Variants in ANO2 observed in about 807,000 individuals in gnomAD.
ANO2 encodes the protein anoctamin-2.
ANO2 carries 101 observed loss-of-function variants against 124.2 expected under a neutral mutation model. The observed-to-expected ratio is 0.81, with a 90% CI of 0.69 to 0.96. The LOEUF (loss-of-function observed/expected upper bound fraction) is 0.96. Ranked by LOEUF, ANO2 falls within the 40% of genes least tolerant of loss-of-function variation. The pLI is 0.00. For missense variants in ANO2, 1,293 were observed against 1,274.5 expected (o/e 1.01, Z -0.22); for synonymous variants, 486 against 482.5 (o/e 1.01, Z -0.09).
At position 5,575,937 on chromosome 12, in the gene ANO2, G is replaced by C. The variant is rs777253822; in HGVS notation, c.2518C>G (p.His840Asp). Residue 840 changes from histidine (H) to aspartate (D), a missense_variant, in exon 23 of 25, where the codon CAC becomes GAC. His to Asp is a moderately conservative substitution (Grantham distance 81). Transcript: ENST00000682330. ...QYSYSHNGTL[H>D]GFVNHTLSFF... ...GAGAGGGTGTGGTTGACAAAGCCGTGCAGAGTCCCATTGTGACTGTAGGAG... is the reference window on the plus strand; with the variant it reads ...GAGAGGGTGTGGTTGACAAAGCCGTCCAGAGTCCCATTGTGACTGTAGGAG... 2 of 1,613,494 alleles carry C rather than the reference G, an allele frequency of 1.2e-6. No homozygotes were observed. The highest frequency in any genetic ancestry group is 1.7e-6 in the Non-Finnish European group (2 of 1,179,718).
Position 5,744,305 on chromosome 12 carries a change from A to C in ANO2, c.1203T>G (p.Cys401Trp). ...IEEDIPSREM[C>W]DQQNAFTMCP... is the part of the protein sequence containing the mutation. ...ACATGGTGAAGGCATTCTGCTGGTC[A>C]CACATCTCTCTGCTGCAATAGATGG... is the stretch of plus-strand genomic sequence containing the variant. Residue 401 changes from cysteine to tryptophan, a missense_variant, in exon 12 of 25, where the codon TGT becomes TGG. Coordinates refer to ENST00000682330, the MANE Select transcript of ANO2 (RefSeq NM_001364791.2). 6.2e-7 allele frequency: 1 copy of C among 1,613,950 alleles called. No individual in the cohort carries two copies.
intron 20 of ANO2, 71 bp from the exon 21 acceptor site, chr12:5,578,589 A>G (rs1001855580): frequency 6.7e-7 from 1 of 1,499,166 alleles, no homozygotes; most frequent in Non-Finnish European, 9.0e-7. Flanking sequence ...GCTTGCAGCT[A>G]CAGCCCCTTG....
At chr12:5,853,641 GTGT>G (rs1216048225) in intron 4 of ANO2, among the ~76,000 whole-genome samples, 1 of 152,168 alleles carries the variant, frequency 6.6e-6, no homozygotes, top group African/African-American at 2.4e-5. Flanking sequence ...CAGCAAATTG[GTGT>G]TGTTTCCCCT....
At chr12:5,690,164 C>G (rs970657128) in intron 14 of ANO2, among the ~76,000 whole-genome samples, 1 of 152,042 alleles carries the variant, frequency 6.6e-6, no homozygotes, top group African/African-American at 2.4e-5. Context: ...CATTCTCAAC[C>G]GAGCTTATGG....
intron 1 of ANO2, among the ~76,000 whole-genome samples, chr12:5,940,870 A>C (rs6489676): frequency 0.4 from 61,270 of 152,060 alleles, 13,265 homozygotes; most frequent in East Asian, 0.79. Context: ...GAACTGGCAA[A>C]TGGATAAACA....
At chr12:5,752,196 T>A (rs1215903643) in intron 10 of ANO2, among the ~76,000 whole-genome samples, 1 of 152,226 alleles carries the variant, frequency 6.6e-6, no homozygotes, top group Non-Finnish European at 1.5e-5. Context: ...TGCAGACATC[T>A]CCTCAGGATG....
intron 1 of ANO2, among the ~76,000 whole-genome samples, chr12:5,936,162 A>G (rs755861148): frequency 2.4e-4 from 36 of 152,226 alleles, no homozygotes; most frequent in Non-Finnish European, 2.1e-4. Flanking sequence ...TATGACTCAC[A>G]AATATTTTCT....
intron 14 of ANO2, among the ~76,000 whole-genome samples, chr12:5,656,089 T>C (rs1947137509): frequency 6.6e-6 from 1 of 152,004 alleles, no homozygotes; most frequent in African/African-American, 2.4e-5. Flanking sequence ...AGGAAGTGGA[T>C]GGAAGGTGAG....
chr12:5,697,618 G>T (rs1396353215), intron 14 of ANO2, among the ~76,000 whole-genome samples: 1 of 152,138 alleles, frequency 6.6e-6, no homozygotes, highest in African/African-American at 2.4e-5. Context: ...CAGGACAGTG[G>T]GTGCAGCGCA....
intron 1 of ANO2, among the ~76,000 whole-genome samples, chr12:5,939,985 A>G (rs1942829101): frequency 6.6e-6 from 1 of 152,232 alleles, no homozygotes; most frequent in Non-Finnish European, 1.5e-5. Flanking sequence ...TATCTCCCCA[A>G]GTAGGCTCTC....
At chr12:5,838,839 G>C (rs1954412565) in intron 4 of ANO2, among the ~76,000 whole-genome samples, 1 of 152,226 alleles carries the variant, frequency 6.6e-6, no homozygotes, top group Non-Finnish European at 1.5e-5. Context: ...CAGGGACCCT[G>C]CCTGTGTGCT....
At chr12:5,757,567 G>C (rs1951617849) in intron 10 of ANO2, among the ~76,000 whole-genome samples, 1 of 152,228 alleles carries the variant, frequency 6.6e-6, no homozygotes, top group Non-Finnish European at 1.5e-5. Context: ...AAGAAGAACA[G>C]TGAATAGGAT....
chr12:5,852,638 G>A (rs1954946287), intron 4 of ANO2, among the ~76,000 whole-genome samples: 1 of 152,134 alleles, frequency 6.6e-6, no homozygotes, highest in African/African-American at 2.4e-5. Context: ...GGCCAACAAT[G>A]TAAATCAGAA....
intron 3 of ANO2, among the ~76,000 whole-genome samples, chr12:5,919,266 T>A (rs559113159): frequency 5.9e-5 from 9 of 152,092 alleles, no homozygotes; most frequent in African/African-American, 2.2e-4. Flanking sequence ...GGGAATGTGA[T>A]GCACAGGTCT....
chr12:5,759,793 A>G (rs907503092), intron 10 of ANO2, among the ~76,000 whole-genome samples: 2 of 151,956 alleles, frequency 1.3e-5, no homozygotes, highest in Non-Finnish European at 2.9e-5. Context: ...AAAAACTATT[A>G]ACTTAGAGTA....
chr12:5,889,908 G>A (rs1939270631), intron 3 of ANO2, among the ~76,000 whole-genome samples: 1 of 152,262 alleles, frequency 6.6e-6, no homozygotes, highest in African/African-American at 2.4e-5. Flanking sequence ...AAATAAGGCA[G>A]GCCCTTAAGG....
At chr12:5,907,999 T>C (rs1940809319) in intron 3 of ANO2, among the ~76,000 whole-genome samples, 2 of 152,188 alleles carry the variant, frequency 1.3e-5, no homozygotes, top group African/African-American at 4.8e-5. Flanking sequence ...CCTCCCCAAC[T>C]CCACAATGCA....
At chr12:5,761,049 C>T (rs1951728084) in intron 10 of ANO2, among the ~76,000 whole-genome samples, 1 of 121,822 alleles carries the variant, frequency 8.2e-6, no homozygotes, top group African/African-American at 3.1e-5. Context: ...AAATTTTGGA[C>T]CCCCACAGCA....
At chr12:5,739,518 A>G (rs1951009942) in intron 12 of ANO2, 119 bp from the exon 13 acceptor site, 1 of 764,040 alleles carries the variant, frequency 1.3e-6, no homozygotes, top group Admixed American at 2.8e-5. Flanking sequence ...GCTCTCTTTA[A>G]TGCATTTAGC....
Sources: allele counts gnomAD v4.1 joint callset (sites outside exome capture counted in the v4.1 genomes callset), GRCh38; gene constraint gnomAD v4.1.1; transcripts MANE v1.5; gene names NCBI Gene and HGNC (gene_info 2026-07-23, HGNC 2026-07-21).